The following ARHGAP15 variants were observed in gnomAD, a reference collection of about 807,000 sequenced individuals.
The protein encoded by ARHGAP15 is rho GTPase-activating protein 15.
A neutral mutation model predicts 63.7 loss-of-function variants in ARHGAP15; 51 were observed. That is an observed-to-expected ratio of 0.80 (90% CI 0.64 to 1.01). ARHGAP15 has a LOEUF of 1.01. Among genes scored for constraint, ARHGAP15 ranks in the 50% least tolerant of loss-of-function variants. ARHGAP15 has a pLI of 0.00. For missense variants in ARHGAP15, 560 were observed against 564.6 expected, an observed-to-expected ratio of 0.99 and a Z score of 0.08; for synonymous variants, 191 against 193.8, an observed-to-expected ratio of 0.99 and a Z score of 0.12.
intron 1 of ARHGAP15, among the ~76,000 whole-genome samples, chr2:143,133,622 A>C (rs1031576161): frequency 2.6e-5 from 4 of 151,928 alleles, no homozygotes; most frequent in Non-Finnish European, 5.9e-5. Flanking sequence ...CTTTTTTTTC[A>C]TTTGATGAAG....
intron 12 of ARHGAP15, among the ~76,000 whole-genome samples, chr2:143,636,483 T>G (rs965794887): frequency 2.0e-4 from 30 of 152,252 alleles, no homozygotes; most frequent in African/African-American, 7.0e-4. Context: ...CTCCTGTCTG[T>G]AAGCTTGGAT....
At chr2:143,186,169 G>C (rs564793135) in intron 2 of ARHGAP15, among the ~76,000 whole-genome samples, 1 of 152,232 alleles carries the variant, frequency 6.6e-6, no homozygotes, top group South Asian at 2.1e-4. Flanking sequence ...AATAACCAGA[G>C]AAATTTGATA....
intron 9 of ARHGAP15, among the ~76,000 whole-genome samples, chr2:143,508,240 C>T (rs1693411190): frequency 6.6e-6 from 1 of 152,206 alleles, no homozygotes; most frequent in African/African-American, 2.4e-5. Context: ...CTTACACCAG[C>T]AGCTTTATAC....
At chr2:143,416,959 C>T (rs545747224) in intron 6 of ARHGAP15, among the ~76,000 whole-genome samples, 78 of 152,056 alleles carry the variant, frequency 5.1e-4, no homozygotes, top group Non-Finnish European at 9.7e-4. Flanking sequence ...ACTACCAATT[C>T]GCTTTTCAGG....
chr2:143,396,633 TCTAAA>T (rs1687774593), intron 6 of ARHGAP15, among the ~76,000 whole-genome samples: 1 of 151,410 alleles, frequency 6.6e-6, no homozygotes, highest in Admixed American at 6.6e-5. Context: ...TTTTTTTTAA[TCTAAA>T]CGGGTATCTC....
At chr2:143,297,202 A>G (rs1682674970) in intron 6 of ARHGAP15, among the ~76,000 whole-genome samples, 1 of 152,040 alleles carries the variant, frequency 6.6e-6, no homozygotes, top group Non-Finnish European at 1.5e-5. Flanking sequence ...TTTAAGCCCA[A>G]ATAAAGTCAG....
chr2:143,639,572 G>C lies in ARHGAP15; in HGVS notation c.1138+15305G>C, dbSNP rs560577329. Among the ~76,000 whole-genome samples, 5 of 152,140 alleles carry C rather than the reference G, an allele frequency of 3.3e-5. No homozygotes were observed. In the South Asian group the frequency reaches 1.0e-3, roughly 32 times the overall value. The stretch of plus-strand genomic sequence containing the variant: ...ACTAGAAGAAAACAACAACAATCAA[G>C]CTCCCATATTCCAAATGCTTAAAGG... On this transcript the variant is annotated intron_variant, in intron 12 of 13. Transcript: ENST00000295095.
chr2:143,513,863 G>A (rs915121239), intron 9 of ARHGAP15, among the ~76,000 whole-genome samples: 19 of 152,040 alleles, frequency 1.2e-4, no homozygotes, highest in Non-Finnish European at 2.6e-4. Context: ...GTCTTAGTTC[G>A]GGTCCCCATC....
chr2:143,707,970 G>C (rs1684407789), intron 13 of ARHGAP15, among the ~76,000 whole-genome samples: 1 of 152,202 alleles, frequency 6.6e-6, no homozygotes, highest in Non-Finnish European at 1.5e-5. Context: ...TTGTTGGATT[G>C]TGAGAGTTTC....
intron 11 of ARHGAP15, among the ~76,000 whole-genome samples, chr2:143,586,899 ATCTCTCTCTC>A (rs1216029870): frequency 6.7e-6 from 1 of 149,166 alleles, no homozygotes; most frequent in Non-Finnish European, 1.5e-5. Flanking sequence ...CAATCTCTCA[ATCTCTCTCTC>A]TCTCTTTCTC....
Position 143,510,075 on chromosome 2 carries a change from C to T in ARHGAP15, c.827-9191C>T, listed in dbSNP as rs1380445422. 5.4e-5 allele frequency among the ~76,000 whole-genome samples: 7 copies of T among 129,726 alleles called. No individual in the cohort carries two copies. In the East Asian group the frequency reaches 1.6e-3, roughly 30 times the overall value. 85.1% of individuals were successfully genotyped at this position (129,726 alleles called of 152,430 possible). A position where few individuals can be genotyped will look rare whatever the true frequency, so the allele number is the denominator to read the frequency against. On this transcript the variant is annotated intron_variant, in intron 9 of 13. Coordinates refer to ENST00000295095, the MANE Select transcript of ARHGAP15 (RefSeq NM_018460.4). ...GAAACACCATGCTTTGATAAGCAAT[C>T]TAAAAGTTTTGGGCTGAAAACCAAT... is the stretch of plus-strand genomic sequence containing the variant.
intron 12 of ARHGAP15, among the ~76,000 whole-genome samples, chr2:143,654,926 G>C (rs756923461): frequency 6.6e-6 from 1 of 152,086 alleles, no homozygotes; most frequent in Non-Finnish European, 1.5e-5. Flanking sequence ...AGCAAGACCC[G>C]TTTCTAAAAT....
At chr2:143,717,288 C>T (rs1365835147) in intron 13 of ARHGAP15, among the ~76,000 whole-genome samples, 1 of 152,216 alleles carries the variant, frequency 6.6e-6, no homozygotes, top group Non-Finnish European at 1.5e-5. Flanking sequence ...CGGTCTGTCA[C>T]GTGTATCAGA....
intron 11 of ARHGAP15, chr2:143,587,620 T>C (rs1370915057): frequency 7.2e-6 from 3 of 419,034 alleles, no homozygotes; most frequent in African/African-American, 6.3e-5. Context: ...CTTGCTTTAG[T>C]TGGCTTTTCC....
chr2:143,329,967 C>A (rs1684436188), intron 6 of ARHGAP15, among the ~76,000 whole-genome samples: 1 of 146,606 alleles, frequency 6.8e-6, no homozygotes, highest in African/African-American at 2.5e-5. Flanking sequence ...TGGCACACAG[C>A]TGTAGTCCCA....
chr2:143,132,968 A>G (rs1353543756), intron 1 of ARHGAP15, among the ~76,000 whole-genome samples: 1 of 152,228 alleles, frequency 6.6e-6, no homozygotes, highest in Non-Finnish European at 1.5e-5. Context: ...CAGAGTGACT[A>G]TTATTTTAAT....
At chr2:143,297,510 A>G (rs1682690833) in intron 6 of ARHGAP15, among the ~76,000 whole-genome samples, 1 of 151,374 alleles carries the variant, frequency 6.6e-6, no homozygotes, top group African/African-American at 2.4e-5. Context: ...GTTCTCCTTT[A>G]CCCCCTTTGT....
In ARHGAP15 at chr2:143,500,855, C is replaced by A. The variant is rs1412288802; in HGVS notation, c.826+13360C>A. 4.6e-5 allele frequency among the ~76,000 whole-genome samples: 7 copies of A among 152,150 alleles called. 1 individual carries two copies. The highest frequency in any genetic ancestry group is 4.6e-4 in the Admixed American group (7 of 15,288). ...TAGAGCAAAAGAGAGAAATTTCATT[C>A]TCTTTCAACAGTTGTTCAGCTCCAA... On this transcript the variant is annotated intron_variant, in intron 9 of 13. Coordinates refer to ENST00000295095, the MANE Select transcript of ARHGAP15 (RefSeq NM_018460.4).
At chr2:143,411,915 T>C (rs1424307568) in intron 6 of ARHGAP15, among the ~76,000 whole-genome samples, 1 of 152,096 alleles carries the variant, frequency 6.6e-6, no homozygotes, top group African/African-American at 2.4e-5. Flanking sequence ...ATAATTTGAG[T>C]CAAGGGGATT....
Sources: gnomAD v4.1 joint callset for allele counts (sites outside exome capture counted in the v4.1 genomes callset) on GRCh38, gnomAD v4.1.1 for gene constraint, MANE v1.5 for transcripts, NCBI Gene and HGNC (gene_info 2026-07-23, HGNC 2026-07-21) for gene names.